Variants in CACNB1 observed in about 807,000 individuals in gnomAD.
CACNB1 encodes voltage-dependent L-type calcium channel subunit beta-1.
A neutral mutation model predicts 71.6 loss-of-function variants in CACNB1; 29 were observed. The observed-to-expected ratio is 0.40, with a 90% CI of 0.30 to 0.55. The LOEUF (loss-of-function observed/expected upper bound fraction) is 0.55, where lower values mean the gene tolerates loss of function less well. CACNB1 is among the 20% of genes least tolerant of loss of function. The probability of loss-of-function intolerance (pLI) is 0.38; values close to 1 mark genes in which losing one functional copy is unlikely to be tolerated. For synonymous variants in CACNB1, 300 were observed against 319.6 expected (o/e 0.94, Z 0.65); for missense variants, 623 against 801.8 (o/e 0.78, Z 2.69).
rs534675067 is a variant in CACNB1 at position 39,197,666 on chromosome 17, C to T, written c.-171G>A. 1.8e-4 allele frequency: 95 copies of T among 533,994 alleles called. No homozygotes were observed. Among genetic ancestry groups the T allele is most frequent in the African/African-American group, 1.8e-3 (87 of 49,300 alleles). The allele number at this position is 533,994 out of a possible 1,614,324, so 33.1% of individuals were successfully genotyped here. A position where few individuals can be genotyped will look rare whatever the true frequency, so the allele number is the denominator to read the frequency against. ...CTTCCCTCGCTCCTCCCGCTCTCTCCACTGCCGCCGCCGCCTCCCCCGTAG... is the reference window on the plus strand; with the variant it reads ...CTTCCCTCGCTCCTCCCGCTCTCTCTACTGCCGCCGCCGCCTCCCCCGTAG... On this transcript the variant is annotated 5_prime_UTR_variant, in exon 1 of 14. Transcript: ENST00000394303.
chr17:39,188,493 T>G (rs1404567088), intron 3 of CACNB1, among the ~76,000 whole-genome samples: 1 of 151,796 alleles, frequency 6.6e-6, no homozygotes, highest in Non-Finnish European at 1.5e-5. Context: ...GAGAATTACT[T>G]CAACCAGGGC....
At chr17:39,178,895 C>T (rs573282338) in intron 11 of CACNB1, among the ~76,000 whole-genome samples, 21 of 152,252 alleles carry the variant, frequency 1.4e-4, no homozygotes, top group African/African-American at 2.9e-4. Flanking sequence ...ATCACACAAA[C>T]GCACACTGAG....
chr17:39,178,176 C>A (rs115149510), intron 11 of CACNB1, 97 bp from the exon 12 acceptor site: 84,026 of 881,418 alleles, frequency 0.095, 4,354 homozygotes, highest in Non-Finnish European at 0.1. Context: ...CATGGAGAGC[C>A]AGTGTCAAGA....
chr17:39,191,009 C>A (rs1285131415), intron 3 of CACNB1, among the ~76,000 whole-genome samples: 1 of 151,694 alleles, frequency 6.6e-6, no homozygotes, highest in Non-Finnish European at 1.5e-5. Flanking sequence ...TCGAGACCAT[C>A]CTGGCTAACA....
intron 1 of CACNB1, among the ~76,000 whole-genome samples, chr17:39,195,996 T>C (rs2046194362): frequency 6.6e-6 from 1 of 152,192 alleles, no homozygotes; most frequent in Non-Finnish European, 1.5e-5. Flanking sequence ...GAGCTGCTTC[T>C]GGCCCTCCCC....
In CACNB1 at chr17:39,185,227, CAG is replaced by C. The variant is rs1036934651; in HGVS notation, c.629-79_629-78del. The C allele has an allele frequency of 2.7e-6, 3 of 1,116,992 alleles. No homozygotes were observed. In the African/African-American group the frequency reaches 4.6e-5, roughly 17 times the overall value. 69.2% of individuals were successfully genotyped at this position (1,116,992 alleles called of 1,614,324 possible). Reference sequence around the variant, plus strand: ...ACCCAGGCAGGGGCAGAGGGCAAGGCAGGAGCCAGGACAAGAGAGGGAGGGAG... The same window carrying C: ...ACCCAGGCAGGGGCAGAGGGCAAGGCGAGCCAGGACAAGAGAGGGAGGGAG... On this transcript the variant is annotated intron_variant, in intron 6 of 13. Transcript: ENST00000394303.
At position 39,197,566 on chromosome 17, in the gene CACNB1, G is replaced by A. The variant is rs2046228370; in HGVS notation, c.-71C>T. 2 of 1,221,980 alleles carry A rather than the reference G, an allele frequency of 1.6e-6. No homozygotes were observed. The highest frequency in any genetic ancestry group is 3.5e-5 in the Admixed American group (1 of 28,574). The allele number at this position is 1,221,980 out of a possible 1,614,324, so 75.7% of individuals were successfully genotyped here. A position where few individuals can be genotyped will look rare whatever the true frequency, so the allele number is the denominator to read the frequency against. On this transcript the variant is annotated 5_prime_UTR_variant, in exon 1 of 14. Transcript: ENST00000394303. Reference sequence around the variant, plus strand: ...CCCTCAGCGCATGGGAGAGGCCGTGGGAGCCGAAAGCAGCGCGGCGCAGCC... The same window carrying A: ...CCCTCAGCGCATGGGAGAGGCCGTGAGAGCCGAAAGCAGCGCGGCGCAGCC...
intron 11 of CACNB1, among the ~76,000 whole-genome samples, chr17:39,182,282 G>A (rs1309338856): frequency 2.0e-5 from 3 of 151,386 alleles, no homozygotes; most frequent in Non-Finnish European, 4.4e-5. Flanking sequence ...GAGTGAGATC[G>A]CACCACTGCA....
At position 39,185,120 on chromosome 17, in the gene CACNB1, G is replaced by C; in HGVS notation, c.648+11C>G. 1 of 1,613,422 alleles carries C rather than the reference G, an allele frequency of 6.2e-7. No homozygotes were observed. Among genetic ancestry groups the C allele is most frequent in the Non-Finnish European group, 8.5e-7 (1 of 1,179,374 alleles). On this transcript the variant is annotated intron_variant, in intron 7 of 13. Coordinates refer to ENST00000394303, the MANE Select transcript of CACNB1 (RefSeq NM_000723.5). Reference sequence around the variant, plus strand: ...AGTGGGGAGGAGGACACAGAAAGCTGTGATACTCACCGACTTCTGCTTCTG... The same window carrying C: ...AGTGGGGAGGAGGACACAGAAAGCTCTGATACTCACCGACTTCTGCTTCTG...
At position 39,186,147 on chromosome 17, in the gene CACNB1, G is replaced by A. The variant is rs1373830354; in HGVS notation, c.628+349C>T. 2 of 1,569,274 alleles carry A rather than the reference G, an allele frequency of 1.3e-6. No individual in the cohort carries two copies. Among genetic ancestry groups the A allele is most frequent in the Non-Finnish European group, 1.8e-6 (2 of 1,142,028 alleles). ...GAGAGAGGGAGGAGGGAGGCGAGGTGGGGAGAAGGAGTGAGATGAACGTGG... is the reference window on the plus strand; with the variant it reads ...GAGAGAGGGAGGAGGGAGGCGAGGTAGGGAGAAGGAGTGAGATGAACGTGG... On this transcript the variant is annotated intron_variant, in intron 6 of 13. Transcript: ENST00000394303. This position sits in a 1 kb window ranked among gnomAD's most constrained non-coding sequence, Gnocchi z 4.1.
At chr17:39,195,367 G>C (rs2046182814) in intron 1 of CACNB1, 1 of 172,600 alleles carries the variant, frequency 5.8e-6, no homozygotes, top group South Asian at 1.4e-4. Context: ...GTGTTGGGTG[G>C]GGAGAGCGGG....
chr17:39,185,823 T>C, intron 6 of CACNB1: 1 of 1,013,020 alleles, frequency 9.9e-7, no homozygotes. Context: ...TCCCTCCACC[T>C]CAGCAGGAAG....
intron 8 of CACNB1, 132 bp from the exon 9 acceptor site, chr17:39,184,515 G>T: frequency 1.5e-6 from 1 of 660,470 alleles, no homozygotes; most frequent in Non-Finnish European, 2.8e-6. Flanking sequence ...GCGGGCGGGG[G>T]TCTGAGTCTG....
At chr17:39,193,649 G>A (rs769701139) in intron 2 of CACNB1, 14 of 270,358 alleles carry the variant, frequency 5.2e-5, no homozygotes, top group Admixed American at 2.7e-4. Context: ...ACCACCTACC[G>A]GGGATCAGAG....
At chr17:39,188,229 G>A (rs2045986848) in intron 3 of CACNB1, among the ~76,000 whole-genome samples, 1 of 152,038 alleles carries the variant, frequency 6.6e-6, no homozygotes, top group South Asian at 2.1e-4. Context: ...GTTGCAGTGA[G>A]CCAAGATGGC....
At chr17:39,177,837 G>A in intron 12 of CACNB1, 147 bp downstream of exon 12, 1 of 692,668 alleles carries the variant, frequency 1.4e-6, no homozygotes, top group Admixed American at 2.3e-5. Flanking sequence ...TGACTGACGG[G>A]ACCTGCGCTC....
intron 8 of CACNB1, 23 bp from the exon 9 acceptor site, chr17:39,184,406 AG>A: frequency 1.9e-6 from 1 of 529,122 alleles, no homozygotes; most frequent in Non-Finnish European, 3.7e-6. Context: ...GTTTGTGGGG[AG>A]GGAGGGAGGA....
chr17:39,175,185 C>T lies in CACNB1; in HGVS notation c.*8G>A, dbSNP rs1438505761. 10 of 1,600,916 alleles carry T rather than the reference C, an allele frequency of 6.2e-6. No individual in the cohort carries two copies. The highest frequency in any genetic ancestry group is 8.5e-6 in the Non-Finnish European group (10 of 1,171,660). Reference sequence around the variant, plus strand: ...GAGCCCTTCCTCCCGCCGTGTGGCCCCTGCCTCTCAGCGAATGTAGACGCC... The same window carrying T: ...GAGCCCTTCCTCCCGCCGTGTGGCCTCTGCCTCTCAGCGAATGTAGACGCC... On this transcript the variant is annotated 3_prime_UTR_variant, in exon 14 of 14. Coordinates refer to ENST00000394303, the MANE Select transcript of CACNB1 (RefSeq NM_000723.5). The surrounding 1 kb of genome is among the most constrained non-coding windows in gnomAD (Gnocchi z 4.7).
At chr17:39,189,237 C>T (rs12603502) in intron 3 of CACNB1, among the ~76,000 whole-genome samples, 11,497 of 151,200 alleles carry the variant, frequency 0.076, 900 homozygotes, top group African/African-American at 0.2. Flanking sequence ...GTGGCACGCA[C>T]CTGTAATCCC....
Sources: allele counts gnomAD v4.1 joint callset (sites outside exome capture counted in the v4.1 genomes callset), GRCh38; gene constraint gnomAD v4.1.1; non-coding constraint Gnocchi (gnomAD v3.1); transcripts MANE v1.5; gene names NCBI Gene and HGNC (gene_info 2026-07-23, HGNC 2026-07-21).